Variants in GRIP2 observed in about 807,000 individuals in gnomAD.
GRIP2 encodes the protein glutamate receptor interacting protein 2.
GRIP2 carries 58 observed loss-of-function variants against 108.3 expected under a neutral mutation model. The ratio of observed to expected loss-of-function variants is 0.54; its 90% CI spans 0.43 to 0.67. The LOEUF (loss-of-function observed/expected upper bound fraction) is 0.67, where lower values mean the gene tolerates loss of function less well. GRIP2 is among the 30% of genes least tolerant of loss of function. The probability of loss-of-function intolerance (pLI) is 0.00; values close to 1 mark genes in which losing one functional copy is unlikely to be tolerated. For synonymous variants in GRIP2, 586 were observed against 598.2 expected (o/e 0.98, Z 0.30); for missense variants, 1,278 against 1,430.6 (o/e 0.89, Z 1.72).
chr3:14,574,564 G>T, the GRIP2 span: 1 of 736,374 alleles, frequency 1.4e-6, no homozygotes, highest in South Asian at 1.4e-5. Flanking sequence ...GCCTCTGATG[G>T]GGACTCAAAA....
Position 14,505,712 on chromosome 3 carries a change from G to A in GRIP2, c.2476C>T (p.Pro826Ser). Reference sequence around the variant, plus strand: ...CTCGTCCTCCGGGGCTCGGTGGGTGGGGGGCTGCCCCTCAGCCAGCCAGGC... The same window carrying A: ...CTCGTCCTCCGGGGCTCGGTGGGTGAGGGGCTGCCCCTCAGCCAGCCAGGC... ...RRPGWLRGSP[P>S]PTEPRRTSYT... Residue 826 changes from proline (P) to serine (S), a missense_variant, in exon 20 of 24, where the codon CCA becomes TCA. Coordinates refer to ENST00000621039, the MANE Select transcript of GRIP2 (RefSeq NM_001080423.4). The surrounding 1 kb of genome is among the most constrained non-coding windows in gnomAD (Gnocchi z 4.2). 1.3e-6 allele frequency: 2 copies of A among 1,592,426 alleles called. No individual in the cohort carries two copies. The highest frequency in any genetic ancestry group is 1.7e-6 in the Non-Finnish European group (2 of 1,169,778).
chr3:14,569,560 C>T, the GRIP2 span, among the ~76,000 whole-genome samples: 636 of 152,218 alleles, frequency 4.2e-3, 4 homozygotes, highest in Middle Eastern at 0.017. Flanking sequence ...ATCCAGGGGT[C>T]CTGGGGGAGA....
At chr3:14,523,732 C>A (rs370286168) in intron 4 of GRIP2, 34 bp from the exon 5 acceptor site, 34 of 1,441,264 alleles carry the variant, frequency 2.4e-5, no homozygotes, top group Admixed American at 5.4e-5. Context: ...TTGAGTCCCT[C>A]AGTCGCATCT....
chr3:14,559,600 T>G (rs544994573), upstream of GRIP2, among the ~76,000 whole-genome samples: 48 of 152,156 alleles, frequency 3.2e-4, no homozygotes, highest in Non-Finnish European at 5.9e-4. Flanking sequence ...CACCTCTGTC[T>G]TGGGGGTGCA....
chr3:14,562,539 C>CGTTTCCTGT, the GRIP2 span, among the ~76,000 whole-genome samples: 2 of 152,170 alleles, frequency 1.3e-5, no homozygotes, highest in Non-Finnish European at 2.9e-5. Context: ...GAATGAAGCA[C>CGTTTCCTGT]GTTTCCTGTG....
upstream of GRIP2, chr3:14,542,183 T>C: frequency 1.5e-6 from 1 of 677,640 alleles, no homozygotes; most frequent in Non-Finnish European, 2.1e-6. Context: ...TGACACAGCG[T>C]CTCACTCTGT....
In GRIP2 at chr3:14,512,447, A is replaced by G. The variant is rs1694122266; in HGVS notation, c.1720+330T>C. On this transcript the variant is annotated intron_variant, in intron 14 of 23. Transcript: ENST00000621039. This position sits in a 1 kb window ranked among gnomAD's most constrained non-coding sequence, Gnocchi z 5.1. ...CAGGCCTTTGCTGGGCTCTGAGAAC[A>G]CAGAAGCAGGCAGAAAACCAAACCC... Among the ~76,000 whole-genome samples the G allele has an allele frequency of 6.6e-6, 1 of 152,146 alleles. No homozygotes were observed. Among genetic ancestry groups the G allele is most frequent in the African/African-American group, 2.4e-5 (1 of 41,408 alleles).
intron 1 of GRIP2, 86 bp from the exon 2 acceptor site, chr3:14,526,017 G>A (rs1459412676): frequency 1.6e-6 from 2 of 1,217,198 alleles, no homozygotes; most frequent in African/African-American, 3.0e-5. Flanking sequence ...TTTCCACTCT[G>A]TGGACGTGGC....
At position 14,511,380 on chromosome 3, in the gene GRIP2, G is replaced by T. The variant is rs750118783; in HGVS notation, c.1787+33C>A. Reference sequence around the variant, plus strand: ...GCAGGTGCCATACTCACTGCTGTTGGCCACTTCCCTTCCTGTGCCCCAGTG... The same window carrying T: ...GCAGGTGCCATACTCACTGCTGTTGTCCACTTCCCTTCCTGTGCCCCAGTG... On this transcript the variant is annotated intron_variant, in intron 15 of 23. Coordinates refer to ENST00000621039, the MANE Select transcript of GRIP2 (RefSeq NM_001080423.4). The surrounding 1 kb of genome is among the most constrained non-coding windows in gnomAD (Gnocchi z 4.1). The T allele has an allele frequency of 2.5e-6, 4 of 1,613,906 alleles. No individual in the cohort carries two copies. Among genetic ancestry groups the T allele is most frequent in the Non-Finnish European group, 3.4e-6 (4 of 1,179,830 alleles).
chr3:14,524,093 T>C, intron 4 of GRIP2: 2 of 517,360 alleles, frequency 3.9e-6, no homozygotes, highest in Non-Finnish European at 6.9e-6. Flanking sequence ...AGTGTGGGCG[T>C]GGTAGGTCAG....
intron 1 of GRIP2, among the ~76,000 whole-genome samples, chr3:14,538,129 AG>A (rs1254403330): frequency 6.6e-6 from 1 of 152,198 alleles, no homozygotes; most frequent in African/African-American, 2.4e-5. Context: ...GAAAGGGCAT[AG>A]GGCTGCCTGG....
intron 1 of GRIP2, among the ~76,000 whole-genome samples, chr3:14,535,161 T>G (rs970465701): frequency 7.9e-5 from 12 of 152,128 alleles, no homozygotes; most frequent in African/African-American, 2.7e-4. Context: ...GGGCGCTAAG[T>G]ACTCCACCAA....
the GRIP2 span, among the ~76,000 whole-genome samples, chr3:14,572,464 T>C: frequency 1.1e-3 from 165 of 149,944 alleles, no homozygotes; most frequent in Admixed American, 2.9e-3. Context: ...TACAAAAAAT[T>C]AGCCGGGCGT....
chr3:14,551,608 C>G (rs1251424742), intron 1 of GRIP2, among the ~76,000 whole-genome samples: 1 of 152,056 alleles, frequency 6.6e-6, no homozygotes, highest in Non-Finnish European at 1.5e-5. Context: ...CAGGGCTGTC[C>G]CGGGACAGGA....
chr3:14,499,517 A>G (rs1275954523), intron 21 of GRIP2, among the ~76,000 whole-genome samples: 1 of 152,064 alleles, frequency 6.6e-6, no homozygotes, highest in Non-Finnish European at 1.5e-5. Flanking sequence ...GGAGTTCAAG[A>G]CCAACCTGGG....
chr3:14,541,743 C>A, upstream of GRIP2: 3 of 563,358 alleles, frequency 5.3e-6, no homozygotes, highest in South Asian at 5.1e-5. Context: ...GCAAGTTTCC[C>A]TTGACCAGCA....
At chr3:14,498,016 AG>A (rs895513694) in intron 21 of GRIP2, among the ~76,000 whole-genome samples, 34 of 152,332 alleles carry the variant, frequency 2.2e-4, no homozygotes, top group Non-Finnish European at 4.4e-4. Flanking sequence ...GCAATCTCAC[AG>A]GCACACAATT....
At chr3:14,573,610 T>C in the GRIP2 span, 25 of 1,486,900 alleles carry the variant, frequency 1.7e-5, no homozygotes, top group Middle Eastern at 1.7e-4. Flanking sequence ...TCGCCGTTGG[T>C]GCCAATGCAG....
In GRIP2 at chr3:14,507,423, A is replaced by G; in HGVS notation, c.2218+138T>C. 6 of 1,052,758 alleles carry G rather than the reference A, an allele frequency of 5.7e-6. No homozygotes were observed. Among genetic ancestry groups the G allele is most frequent in the Non-Finnish European group, 8.3e-6 (6 of 721,298 alleles). 65.2% of individuals were successfully genotyped at this position (1,052,758 alleles called of 1,614,324 possible). A position where few individuals can be genotyped will look rare whatever the true frequency, so the allele number is the denominator to read the frequency against. On this transcript the variant is annotated intron_variant, in intron 18 of 23. Coordinates refer to ENST00000621039, the MANE Select transcript of GRIP2 (RefSeq NM_001080423.4). This position sits in a 1 kb window ranked among gnomAD's most constrained non-coding sequence, Gnocchi z 4.6. The stretch of plus-strand genomic sequence containing the variant: ...CTCATCACTTCCCTCTCTGAGTCTT[A>G]TCTTCTTTGCCATCGCAGGCCCGCC...
Sources: gnomAD v4.1 joint callset for allele counts (sites outside exome capture counted in the v4.1 genomes callset) on GRCh38, gnomAD v4.1.1 for gene constraint, Gnocchi (gnomAD v3.1) non-coding constraint, MANE v1.5 for transcripts, NCBI Gene and HGNC (gene_info 2026-07-23, HGNC 2026-07-21) for gene names.